The following NR6A1 variants were observed in gnomAD, a reference collection of about 807,000 sequenced individuals.
NR6A1 encodes nuclear receptor subfamily 6 group A member 1, also known as retinoic acid receptor-related testis-associated receptor.
A neutral mutation model predicts 59.1 loss-of-function variants in NR6A1; 7 were observed. That is an observed-to-expected ratio of 0.12 (90% CI 0.07 to 0.22). The LOEUF (loss-of-function observed/expected upper bound fraction) is 0.22, where lower values mean the gene tolerates loss of function less well. Ranked by LOEUF, NR6A1 falls within the 10% of genes least tolerant of loss-of-function variation. The pLI is 1.00. For synonymous variants in NR6A1, 243 were observed against 236.1 expected, an observed-to-expected ratio of 1.03 and a Z score of -0.27; for missense variants, 468 against 611.6, an observed-to-expected ratio of 0.77 and a Z score of 2.48.
chr9:124,523,340 T>G (rs757210998), intron 9 of NR6A1, among the ~76,000 whole-genome samples: 1 of 152,216 alleles, frequency 6.6e-6, no homozygotes, highest in Non-Finnish European at 1.5e-5. Context: ...ATTTCTTGAT[T>G]GAAGGACTTC....
At chr9:124,640,336 G>C (rs1459997364) in intron 2 of NR6A1, among the ~76,000 whole-genome samples, 1 of 152,084 alleles carries the variant, frequency 6.6e-6, no homozygotes, top group Non-Finnish European at 1.5e-5. Context: ...TGAATAAAAG[G>C]GATGTTTGTA....
intron 2 of NR6A1, among the ~76,000 whole-genome samples, chr9:124,581,567 G>A (rs1230810876): frequency 1.3e-5 from 2 of 152,084 alleles, no homozygotes; most frequent in African/African-American, 4.8e-5. Flanking sequence ...ACTCCAGCCT[G>A]GAGACAGAGC....
chr9:124,568,866 C>A (rs893531306), intron 2 of NR6A1, among the ~76,000 whole-genome samples: 6 of 151,806 alleles, frequency 4.0e-5, no homozygotes, highest in African/African-American at 1.2e-4. Context: ...GTAATCCCAG[C>A]ACTTTGGGAG....
chr9:124,589,946 T>C (rs1382629293), intron 2 of NR6A1, among the ~76,000 whole-genome samples: 1 of 150,836 alleles, frequency 6.6e-6, no homozygotes. Flanking sequence ...ATGCTTGCAG[T>C]CCCAGCTACT....
chr9:124,745,987 C>CAAAAAAAAA (rs755252377), intron 1 of NR6A1, among the ~76,000 whole-genome samples: 14 of 58,410 alleles, frequency 2.4e-4, no homozygotes, highest in African/African-American at 8.0e-4. Flanking sequence ...GACTCTGTCT[C>CAAAAAAAAA]AAAAAAAAAA....
At chr9:124,624,914 T>TG (rs1034539338) in intron 2 of NR6A1, among the ~76,000 whole-genome samples, 2 of 149,056 alleles carry the variant, frequency 1.3e-5, no homozygotes, top group African/African-American at 2.4e-5. Context: ...GCTAGCTTGT[T>TG]TTTTTTTTTT....
chr9:124,616,152 C>A (rs1332974184), intron 2 of NR6A1, among the ~76,000 whole-genome samples: 1 of 151,744 alleles, frequency 6.6e-6, no homozygotes, highest in Non-Finnish European at 1.5e-5. Context: ...AATCCCAGCA[C>A]TTTGGGAGGC....
chr9:124,662,444 T>C (rs533280235), intron 2 of NR6A1, among the ~76,000 whole-genome samples: 3 of 152,194 alleles, frequency 2.0e-5, no homozygotes, highest in South Asian at 4.1e-4. Flanking sequence ...AATGGGGAAA[T>C]AGACACCCTG....
chr9:124,660,357 T>C (rs1433593836), intron 2 of NR6A1, among the ~76,000 whole-genome samples: 1 of 152,206 alleles, frequency 6.6e-6, no homozygotes, highest in Admixed American at 6.5e-5. Context: ...AGGATGTTAG[T>C]GGTCAGCCTA....
chr9:124,599,779 G>C (rs1408192632), intron 2 of NR6A1, among the ~76,000 whole-genome samples: 3 of 152,098 alleles, frequency 2.0e-5, no homozygotes, highest in Admixed American at 2.0e-4. Context: ...TCAAAGAAAG[G>C]AAGAGGCAGG....
At chr9:124,688,132 G>A (rs974552594) in intron 2 of NR6A1, among the ~76,000 whole-genome samples, 6 of 152,046 alleles carry the variant, frequency 3.9e-5, no homozygotes, top group Non-Finnish European at 7.4e-5. Context: ...GACCAGCCTG[G>A]GGAACATAGT....
intron 1 of NR6A1, among the ~76,000 whole-genome samples, chr9:124,751,769 G>A (rs1325489790): frequency 7.2e-5 from 11 of 152,080 alleles, no homozygotes; most frequent in Non-Finnish European, 1.5e-5. Context: ...ATTAGAAATA[G>A]GAAAATTACC....
chr9:124,767,544 C>T (rs900794728), intron 1 of NR6A1, among the ~76,000 whole-genome samples: 3 of 151,120 alleles, frequency 2.0e-5, no homozygotes, highest in Admixed American at 6.6e-5. Flanking sequence ...AACCTGCGTG[C>T]TGTATGTACT....
chr9:124,526,741 G>A (rs760104887), intron 8 of NR6A1, 38 bp downstream of exon 8: 20 of 1,608,578 alleles, frequency 1.2e-5, no homozygotes, highest in Admixed American at 1.7e-5. Context: ...CCTGCCTCCC[G>A]CACTGCAAAC....
At chr9:124,660,564 A>G (rs1390609040) in intron 2 of NR6A1, among the ~76,000 whole-genome samples, 1 of 151,948 alleles carries the variant, frequency 6.6e-6, no homozygotes, top group East Asian at 1.9e-4. Context: ...GCTGTGGGAC[A>G]CAAAGCTTGG....
chr9:124,715,877 T>A (rs937965476), intron 2 of NR6A1, among the ~76,000 whole-genome samples: 2 of 152,202 alleles, frequency 1.3e-5, no homozygotes, highest in Non-Finnish European at 2.9e-5. Context: ...GGTCTATAAA[T>A]AGACTCACAA....
intron 2 of NR6A1, among the ~76,000 whole-genome samples, chr9:124,663,741 A>T (rs1230838101): frequency 7.2e-5 from 11 of 152,322 alleles, no homozygotes; most frequent in African/African-American, 2.6e-4. Flanking sequence ...AAACAAACAT[A>T]TGAATGTAAA....
chr9:124,748,390 T>A (rs78427461), intron 1 of NR6A1, among the ~76,000 whole-genome samples: 2,598 of 152,152 alleles, frequency 0.017, 78 homozygotes, highest in East Asian at 0.15. Context: ...TTAGATTTTT[T>A]AAAAAAAACT....
At chr9:124,770,900 G>C in intron 1 of NR6A1, 120 bp downstream of exon 1, 1 of 516,714 alleles carries the variant, frequency 1.9e-6, no homozygotes, top group Non-Finnish European at 3.0e-6. Context: ...GCCACCCTAA[G>C]GGGCCGCGGG....
Sources: gnomAD v4.1 joint callset for allele counts (sites outside exome capture counted in the v4.1 genomes callset) on GRCh38, gnomAD v4.1.1 for gene constraint, MANE v1.5 for transcripts, NCBI Gene and HGNC (gene_info 2026-07-23, HGNC 2026-07-21) for gene names.